DCHS2: variants seen among roughly 807,000 people sequenced by gnomAD.
DCHS2 encodes the protein protocadherin-23.
In DCHS2, 142 loss-of-function variants were observed where a neutral mutation model predicts 182.4. The ratio of observed to expected loss-of-function variants is 0.78; its 90% CI spans 0.68 to 0.89. The LOEUF (loss-of-function observed/expected upper bound fraction) is 0.89. DCHS2 is among the 40% of genes least tolerant of loss of function. The pLI, the probability that DCHS2 is intolerant of heterozygous loss-of-function variation, is 0.00. For synonymous variants in DCHS2, 1,740 were observed against 1,663.3 expected, an observed-to-expected ratio of 1.05 and a Z score of -1.12; for missense variants, 4,319 against 4,198.6, an observed-to-expected ratio of 1.03 and a Z score of -0.79.
intron 1 of DCHS2, among the ~76,000 whole-genome samples, chr4:154,470,309 C>T (rs116409098): frequency 1.3e-5 from 2 of 151,930 alleles, no homozygotes; most frequent in Non-Finnish European, 2.9e-5. Context: ...CAAAGCAATA[C>T]CCCATCTGTA....
At chr4:154,367,663 C>A (rs563892272) in intron 2 of DCHS2, among the ~76,000 whole-genome samples, 6 of 152,168 alleles carry the variant, frequency 3.9e-5, no homozygotes, top group Non-Finnish European at 7.3e-5. Flanking sequence ...TGACAAAAAT[C>A]CTTGGTAAGT....
At position 154,333,088 on chromosome 4, in the gene DCHS2, G is replaced by A. The variant is rs2111364825; in HGVS notation, c.3120C>T (p.Ser1040=). The stretch of plus-strand genomic sequence containing the variant: ...GCTCCCGCTGCTCGCCCGCGCCCAG[G>A]CTGCCGTTGAGGAACAGCACCCCCA... ...RALGVLFLNG[S]LGAGEQRELT... Residue 1040 remains serine (S), a synonymous_variant, in exon 5 of 20, where the codon AGC becomes AGT. Transcript: ENST00000357232. 1 of 1,613,988 alleles carries A rather than the reference G, an allele frequency of 6.2e-7. No homozygotes were observed. The highest frequency in any genetic ancestry group is 8.5e-7 in the Non-Finnish European group (1 of 1,179,984).
chr4:154,301,017 A>G (rs893187912), intron 12 of DCHS2, among the ~76,000 whole-genome samples: 5 of 152,198 alleles, frequency 3.3e-5, no homozygotes, highest in Admixed American at 6.5e-5. Context: ...CAATTTAAAT[A>G]TCCTTATTCC....
chr4:154,433,151 A>G (rs1041416068), intron 1 of DCHS2, among the ~76,000 whole-genome samples: 2 of 152,142 alleles, frequency 1.3e-5, no homozygotes, highest in Non-Finnish European at 2.9e-5. Context: ...AAGAGAAGAA[A>G]AGGGACTTCA....
At chr4:154,306,441 A>G (rs1468374876) in intron 10 of DCHS2, among the ~76,000 whole-genome samples, 3 of 152,128 alleles carry the variant, frequency 2.0e-5, no homozygotes, top group Non-Finnish European at 1.5e-5. Flanking sequence ...CTATAGCAAG[A>G]CAGAATTTCT....
intron 1 of DCHS2, among the ~76,000 whole-genome samples, chr4:154,426,477 T>G (rs1396244103): frequency 6.6e-6 from 1 of 152,004 alleles, no homozygotes; most frequent in Non-Finnish European, 1.5e-5. Context: ...GCTACACAGG[T>G]CTCCGCATAA....
At position 154,491,267 on chromosome 4, in the gene DCHS2, T is replaced by C; in HGVS notation, c.89A>G (p.Asp30Gly). 1 of 1,551,042 alleles carries C rather than the reference T, an allele frequency of 6.4e-7. No homozygotes were observed. The highest frequency in any genetic ancestry group is 8.7e-7 in the Non-Finnish European group (1 of 1,146,856). ...GCTGCCTGACCGCCCATGGGGTGTATCTCTCCTCCCGGGGAGCAGAAGGAG... is the reference window on the plus strand; with the variant it reads ...GCTGCCTGACCGCCCATGGGGTGTACCTCTCCTCCCGGGGAGCAGAAGGAG... The part of the protein sequence containing the change: ...GKLLLLPGRR[D>G]TPHGRSGSSG... The change falls in exon 1 of 20, where the codon GAT becomes GGT. Residue 30 changes from aspartate to glycine, a missense_variant. Asp to Gly is a moderately conservative substitution (Grantham distance 94). Transcript: ENST00000357232.
In DCHS2 at chr4:154,304,859, T is replaced by A. The variant is rs766542030; in HGVS notation, c.5415A>T (p.Gly1805=). The change falls in exon 12 of 20, where the codon GGA becomes GGT. Residue 1805 remains glycine, a synonymous_variant. Coordinates refer to ENST00000357232, the MANE Select transcript of DCHS2 (RefSeq NM_001358235.2). ...FTLRVLVRDG[G]FPSLSSTTTI... ...TTGTGGTGCTGGACAATGAAGGGAATCCCCCATCTCGTACTAGTACTGACA... is the reference window on the plus strand; with the variant it reads ...TTGTGGTGCTGGACAATGAAGGGAAACCCCCATCTCGTACTAGTACTGACA... 1.2e-6 allele frequency: 2 copies of A among 1,612,080 alleles called. No homozygotes were observed. The highest frequency in any genetic ancestry group is 2.2e-5 in the South Asian group (2 of 90,648).
intron 3 of DCHS2, among the ~76,000 whole-genome samples, chr4:154,365,338 C>G (rs933906696): frequency 2.6e-5 from 4 of 152,200 alleles, no homozygotes; most frequent in Non-Finnish European, 4.4e-5. Context: ...TCGAGTCACC[C>G]TCAGATGGCA....
At chr4:154,305,274 A>C in intron 10 of DCHS2, 43 bp from the exon 11 acceptor site, 3 of 1,579,116 alleles carry the variant, frequency 1.9e-6, no homozygotes, top group Non-Finnish European at 2.6e-6. Context: ...CATTTCTTTG[A>C]AATACATTTA....
chr4:154,399,809 C>G (rs998397942), intron 1 of DCHS2, among the ~76,000 whole-genome samples: 1 of 152,152 alleles, frequency 6.6e-6, no homozygotes, highest in African/African-American at 2.4e-5. Context: ...CACAGCATTT[C>G]AAGTTGCTTC....
chr4:154,470,198 C>T (rs1213956507), intron 1 of DCHS2, among the ~76,000 whole-genome samples: 1 of 152,160 alleles, frequency 6.6e-6, no homozygotes, highest in African/African-American at 2.4e-5. Context: ...CAATTTTTAG[C>T]TAGGCACAGT....
Position 154,489,641 on chromosome 4 carries a change from T to C in DCHS2, c.1715A>G (p.Asp572Gly), listed in dbSNP as rs1406723572. 2 of 1,551,520 alleles carry C rather than the reference T, an allele frequency of 1.3e-6. No individual in the cohort carries two copies. Among genetic ancestry groups the C allele is most frequent in the Non-Finnish European group, 1.7e-6 (2 of 1,146,900 alleles). The part of the protein sequence containing the change: ...SASDADEAGS[D>G]HAWLRYTVVQ... ...TACAGTGTAGCGCAGCCAGGCGTGA[T>C]CACTGCCTGCCTCGTCGGCATCGGA... Residue 572 changes from aspartate (D) to glycine (G), a missense_variant, in exon 1 of 20, where the codon GAT (aspartate) becomes GGT (glycine). Asp to Gly is a moderately conservative substitution (Grantham distance 94). Coordinates refer to ENST00000357232, the MANE Select transcript of DCHS2 (RefSeq NM_001358235.2).
intron 1 of DCHS2, among the ~76,000 whole-genome samples, chr4:154,413,723 G>A (rs2110896962): frequency 6.6e-6 from 1 of 152,260 alleles, no homozygotes; most frequent in Non-Finnish European, 1.5e-5. Flanking sequence ...CTCACTGAAG[G>A]TCAGAACCCC....
chr4:154,323,472 G>A, intron 7 of DCHS2: 2 of 1,185,398 alleles, frequency 1.7e-6, no homozygotes, highest in East Asian at 2.6e-5. Flanking sequence ...TGGGACTACA[G>A]GCATGGGCCA....
intron 14 of DCHS2, among the ~76,000 whole-genome samples, chr4:154,268,108 ATT>A (rs925046555): frequency 3.3e-5 from 5 of 151,830 alleles, no homozygotes; most frequent in Non-Finnish European, 7.4e-5. Context: ...ACTAGCACAA[ATT>A]TTTTTTTCTT....
intron 1 of DCHS2, among the ~76,000 whole-genome samples, chr4:154,421,393 T>TTTAATTTAAC (rs1226397926): frequency 1.3e-5 from 2 of 151,812 alleles, no homozygotes; most frequent in Non-Finnish European, 2.9e-5. Context: ...TTTAATTTAA[T>TTTAATTTAAC]TTAATTTAAT....
rs562846221 is a variant in DCHS2 at position 154,431,858 on chromosome 4, A to G, written c.2053-54414T>C. On this transcript the variant is annotated intron_variant, in intron 1 of 19. Transcript: ENST00000357232. ...CAGACCATCCCAAGCCGAATGCCCA[A>G]TAAGCCTAAGGCTTTGGTTCCAATG... Among the ~76,000 whole-genome samples, 5 of 109,376 alleles carry G rather than the reference A, an allele frequency of 4.6e-5. No homozygotes were observed. The South Asian group carries it at 1.3e-3, about 29-fold the overall frequency. The allele number at this position is 109,376 out of a possible 152,430, so 71.8% of individuals were successfully genotyped here. A position where few individuals can be genotyped will look rare whatever the true frequency, so the allele number is the denominator to read the frequency against.
intron 1 of DCHS2, among the ~76,000 whole-genome samples, chr4:154,475,625 G>C (rs1015234559): frequency 6.6e-6 from 1 of 152,098 alleles, no homozygotes; most frequent in African/African-American, 2.4e-5. Context: ...AGCAGGCAGA[G>C]GACTCACATG....
Sources: gnomAD v4.1 joint callset for allele counts (sites outside exome capture counted in the v4.1 genomes callset) on GRCh38, gnomAD v4.1.1 for gene constraint, MANE v1.5 for transcripts, NCBI Gene and HGNC (gene_info 2026-07-23, HGNC 2026-07-21) for gene names.